Variants in SCN1A observed in about 807,000 individuals in gnomAD.
The protein encoded by SCN1A is sodium voltage-gated channel alpha subunit 1.
Under a neutral mutation model 193.7 loss-of-function variants are expected in SCN1A, and 13 were observed. The observed-to-expected ratio is 0.07, with a 90% CI of 0.04 to 0.11. The LOEUF (loss-of-function observed/expected upper bound fraction) is 0.11. SCN1A is among the 10% of genes least tolerant of loss of function. The pLI is 1.00. For missense variants in SCN1A, 1,432 were observed against 2,451.1 expected (o/e 0.58, Z 8.78); for synonymous variants, 781 against 843.6 (o/e 0.93, Z 1.29).
chr2:166,139,338 C>G (rs1440459510), intron 1 of SCN1A, among the ~76,000 whole-genome samples: 4 of 152,208 alleles, frequency 2.6e-5, no homozygotes, highest in Admixed American at 2.6e-4. Flanking sequence ...CCCACCATTC[C>G]CATGTGTCAT....
At chr2:166,016,573 A>C (rs988246255) in intron 19 of SCN1A, 2 of 152,044 alleles carry the variant, frequency 1.3e-5, no homozygotes, top group Non-Finnish European at 2.9e-5. Context: ...ATAATAGAAA[A>C]TATTAACTAA....
intron 22 of SCN1A, among the ~76,000 whole-genome samples, chr2:166,011,479 T>C (rs1048236425): frequency 1.3e-5 from 2 of 151,126 alleles, no homozygotes; most frequent in Non-Finnish European, 1.5e-5. Context: ...TAAATCTAGT[T>C]TACATTCTAG....
intron 4 of SCN1A, among the ~76,000 whole-genome samples, chr2:166,063,945 T>G (rs944401679): frequency 6.6e-6 from 1 of 152,096 alleles, no homozygotes; most frequent in African/African-American, 2.4e-5. Flanking sequence ...GACCTAAACT[T>G]AAACCATCCA....
intron 19 of SCN1A, 49 bp downstream of exon 19, chr2:166,035,999 T>C (rs558935220): frequency 1.3e-6 from 2 of 1,562,564 alleles, no homozygotes; most frequent in East Asian, 2.2e-5. Context: ...TGTGTGTATA[T>C]GTATATATGT....
At chr2:166,099,180 A>C (rs997382592) in intron 2 of SCN1A, among the ~76,000 whole-genome samples, 6 of 152,132 alleles carry the variant, frequency 3.9e-5, no homozygotes, top group African/African-American at 1.4e-4. Context: ...AGTGGGCTTC[A>C]TCCCTGGGAT....
intron 2 of SCN1A, among the ~76,000 whole-genome samples, chr2:166,121,575 T>C (rs1225687495): frequency 6.6e-6 from 1 of 152,180 alleles, no homozygotes; most frequent in Non-Finnish European, 1.5e-5. Context: ...ATGCCTGTAA[T>C]TACAAACCTA....
intron 19 of SCN1A, among the ~76,000 whole-genome samples, chr2:166,033,586 T>A (rs1336538364): frequency 6.6e-6 from 1 of 152,146 alleles, no homozygotes; most frequent in Non-Finnish European, 1.5e-5. Flanking sequence ...AGCACCACAT[T>A]AAATTATCTC....
chr2:166,072,473 A>G (rs899971857), intron 4 of SCN1A, among the ~76,000 whole-genome samples: 38 of 152,212 alleles, frequency 2.5e-4, no homozygotes, highest in African/African-American at 8.2e-4. Context: ...AATTCTTGCC[A>G]ATATTAGTAC....
rs534223067 is a variant in SCN1A, at chr2:165,994,533, A to G, written c.4582-117T>C. 2.2e-5 allele frequency: 19 copies of G among 879,504 alleles called. No individual in the cohort carries two copies. In the African/African-American group the frequency reaches 2.9e-4, roughly 13 times the overall value. The allele number at this position is 879,504 out of a possible 1,614,324, so 54.5% of individuals were successfully genotyped here. A position where few individuals can be genotyped will look rare whatever the true frequency, so the allele number is the denominator to read the frequency against. On this transcript the variant is annotated intron_variant, in intron 27 of 28. Coordinates refer to ENST00000674923, the MANE Select transcript of SCN1A (RefSeq NM_001165963.4). ...TCTTGCAAAGTAGTCATTGGCCCTG[A>G]TTTTTGTAAGAATGATTTATAGCAT...
chr2:166,099,286 A>G (rs1253431175), intron 2 of SCN1A, among the ~76,000 whole-genome samples: 2 of 151,444 alleles, frequency 1.3e-5, no homozygotes, highest in Admixed American at 1.3e-4. Flanking sequence ...ATAGATGCAG[A>G]AAAAGCCTTT....
intron 2 of SCN1A, among the ~76,000 whole-genome samples, chr2:166,118,873 T>G (rs1233102150): frequency 6.6e-6 from 1 of 152,212 alleles, no homozygotes; most frequent in Non-Finnish European, 1.5e-5. Flanking sequence ...ATTATGAATA[T>G]TTGCTTTACA....
At position 166,085,388 on chromosome 2, in the gene SCN1A, T is replaced by A. The variant is rs143346326; in HGVS notation, c.-141-7587A>T. Among the ~76,000 whole-genome samples, 192 of 152,368 alleles carry A rather than the reference T, an allele frequency of 1.3e-3. 1 individual carries two copies. The highest frequency in any genetic ancestry group is 4.5e-3 in the African/African-American group (188 of 41,598). On this transcript the variant is annotated intron_variant, in intron 2 of 28. Coordinates refer to ENST00000674923, the MANE Select transcript of SCN1A (RefSeq NM_001165963.4). ...GCTGCTGCAGCCAGAAGGATGTTTA[T>A]GGTGTTATGCAGGAAATATCCTGCA...
intron 2 of SCN1A, among the ~76,000 whole-genome samples, chr2:166,102,500 C>CAAAAAAAAAA (rs78767722): frequency 2.2e-5 from 1 of 44,600 alleles, no homozygotes. Flanking sequence ...GATTACATCT[C>CAAAAAAAAAA]AAAAAAAAAA....
At chr2:166,011,822 A>G (rs1222956369) in intron 22 of SCN1A, among the ~76,000 whole-genome samples, 1 of 151,156 alleles carries the variant, frequency 6.6e-6, no homozygotes, top group Non-Finnish European at 1.5e-5. Context: ...ATACCTTTTA[A>G]GTTCCCTGTT....
chr2:166,122,245 A>G (rs559654461), intron 2 of SCN1A, among the ~76,000 whole-genome samples: 3 of 152,358 alleles, frequency 2.0e-5, no homozygotes, highest in Admixed American at 6.5e-5. Flanking sequence ...AGCAACATAT[A>G]TTACAAAGAA....
rs973387995 is a variant in SCN1A, at chr2:166,072,538, A to C, written c.264+820T>G. Among the ~76,000 whole-genome samples, 8 of 152,302 alleles carry C rather than the reference A, an allele frequency of 5.3e-5. No individual in the cohort carries two copies. In the East Asian group the frequency reaches 9.6e-4, roughly 18 times the overall value. ...AAATTCTAGTTTATGTAAAAATGTT[A>C]TTTTACAGGTAACAAAATTTCTTCA... On this transcript the variant is annotated intron_variant, in intron 4 of 28. Transcript: ENST00000674923.
chr2:166,123,013 C>T (rs770374498), intron 2 of SCN1A, among the ~76,000 whole-genome samples: 1 of 151,680 alleles, frequency 6.6e-6, no homozygotes, highest in African/African-American at 2.4e-5. Context: ...AGAAGAGAAG[C>T]AAATTCACAT....
chr2:166,069,034 T>G (rs56356518), intron 4 of SCN1A, among the ~76,000 whole-genome samples: 11,441 of 151,794 alleles, frequency 0.075, 1,156 homozygotes, highest in African/African-American at 0.23. Flanking sequence ...TGGTACAAAA[T>G]CAGCCCAAGC....
At chr2:166,031,566 A>G (rs1695556690) in intron 19 of SCN1A, among the ~76,000 whole-genome samples, 1 of 152,156 alleles carries the variant, frequency 6.6e-6, no homozygotes, top group Non-Finnish European at 1.5e-5. Context: ...AAAATGTATC[A>G]CCATCCCCAG....
Sources: gnomAD v4.1 joint callset for allele counts (sites outside exome capture counted in the v4.1 genomes callset) on GRCh38, gnomAD v4.1.1 for gene constraint, MANE v1.5 for transcripts, NCBI Gene and HGNC (gene_info 2026-07-23, HGNC 2026-07-21) for gene names.